Variants in PTPRT observed in about 807,000 individuals in gnomAD.
PTPRT encodes the protein receptor-type tyrosine-protein phosphatase T.
PTPRT carries 56 observed loss-of-function variants against 176.8 expected under a neutral mutation model. The observed-to-expected ratio is 0.32, with a 90% CI of 0.26 to 0.40. The LOEUF is 0.40. Among genes scored for constraint, PTPRT ranks in the 10% least tolerant of loss-of-function variants. PTPRT has a pLI of 1.00. For synonymous variants in PTPRT, 783 were observed against 739.0 expected (o/e 1.06, Z -0.96); for missense variants, 1,540 against 1,908.2 (o/e 0.81, Z 3.60).
At chr20:42,472,702 A>T (rs753970705) in intron 7 of PTPRT, 140 bp from the exon 8 acceptor site, 25 of 836,300 alleles carry the variant, frequency 3.0e-5, no homozygotes, top group Non-Finnish European at 4.0e-5. Context: ...TTTTTGACAC[A>T]GGCAATATAA....
chr20:42,098,451 C>T lies in PTPRT; in HGVS notation c.3816G>A (p.Val1272=). The change falls in exon 27 of 31, where the codon GTG becomes GTA. Residue 1272 remains valine (V), a synonymous_variant. Coordinates refer to ENST00000373187, the MANE Select transcript of PTPRT (RefSeq NM_007050.6). ...RLVFDYNCSS[V]VMLNEMDTAQ... The stretch of plus-strand genomic sequence containing the variant: ...CAGTGTCCATCTCATTCAGCATCAC[C>T]ACAGAGGAGCAGTTGTAATCGAACA... 1 of 1,614,142 alleles carries T rather than the reference C, an allele frequency of 6.2e-7. No homozygotes were observed. Among genetic ancestry groups the T allele is most frequent in the Non-Finnish European group, 8.5e-7 (1 of 1,180,022 alleles).
intron 6 of PTPRT, among the ~76,000 whole-genome samples, chr20:42,706,155 CTTTA>C (rs1405022957): frequency 7.8e-6 from 1 of 128,572 alleles, no homozygotes; most frequent in African/African-American, 3.5e-5. Context: ...CTTTGTCTCT[CTTTA>C]TCTCTCTCTC....
intron 1 of PTPRT, among the ~76,000 whole-genome samples, chr20:43,092,875 T>C (rs1171637762): frequency 6.6e-6 from 1 of 152,238 alleles, no homozygotes; most frequent in Non-Finnish European, 1.5e-5. Flanking sequence ...GGATTATTTG[T>C]TACTGCTGCC....
At chr20:43,090,001 A>C (rs1425892776) in intron 1 of PTPRT, among the ~76,000 whole-genome samples, 2 of 152,204 alleles carry the variant, frequency 1.3e-5, no homozygotes, top group African/African-American at 4.8e-5. Context: ...GAAATCCGCC[A>C]ATCAACTCAC....
intron 1 of PTPRT, among the ~76,000 whole-genome samples, chr20:42,988,411 T>C (rs2146101783): frequency 1.3e-5 from 2 of 152,276 alleles, no homozygotes; most frequent in South Asian, 4.1e-4. Flanking sequence ...CAGCTGTGGA[T>C]CTGTGCTCCA....
intron 7 of PTPRT, among the ~76,000 whole-genome samples, chr20:42,539,657 C>T (rs1268225924): frequency 6.7e-6 from 1 of 149,270 alleles, no homozygotes; most frequent in East Asian, 2.0e-4. Flanking sequence ...AACCCACATG[C>T]ATTTAAAAAA....
At chr20:42,093,182 TTCTTTCTGGTG>T (rs1237555617) in intron 27 of PTPRT, among the ~76,000 whole-genome samples, 5 of 152,146 alleles carry the variant, frequency 3.3e-5, no homozygotes, top group East Asian at 1.9e-4. Context: ...CAAGGAGGGC[TTCTTTCTGGTG>T]TCTTTCTGGT....
rs1009534463 is a variant in PTPRT, at chr20:42,461,879, T to G, written c.1450+10387A>C. Among the ~76,000 whole-genome samples, 4 of 151,912 alleles carry G rather than the reference T, an allele frequency of 2.6e-5. 1 individual carries two copies. Among genetic ancestry groups the G allele is most frequent in the Non-Finnish European group, 5.9e-5 (4 of 67,936 alleles). On this transcript the variant is annotated intron_variant, in intron 8 of 30. Transcript: ENST00000373187. ...AGAGCTGGGTGTTTCTGGGTTTTTT[T>G]TTTAATCTTTTTAAAGATGGGAGAA... is the stretch of plus-strand genomic sequence containing the variant.
At chr20:43,100,524 T>C (rs1158433817) in intron 1 of PTPRT, among the ~76,000 whole-genome samples, 1 of 152,202 alleles carries the variant, frequency 6.6e-6, no homozygotes, top group Non-Finnish European at 1.5e-5. Flanking sequence ...TCAAGTATCA[T>C]CAAAACATTA....
intron 2 of PTPRT, among the ~76,000 whole-genome samples, chr20:42,797,804 C>T (rs1295871821): frequency 6.6e-6 from 1 of 152,018 alleles, no homozygotes; most frequent in Non-Finnish European, 1.5e-5. Flanking sequence ...AGTTGAGGAG[C>T]TATCTGAGGA....
At chr20:42,731,047 G>A (rs1423130939) in intron 6 of PTPRT, among the ~76,000 whole-genome samples, 2 of 152,068 alleles carry the variant, frequency 1.3e-5, no homozygotes, top group Non-Finnish European at 2.9e-5. Flanking sequence ...GTACCTCTGT[G>A]CCCCCCACCA....
chr20:42,342,210 A>G lies in PTPRT; in HGVS notation c.1865+8418T>C, dbSNP rs552072567. 5.3e-5 allele frequency among the ~76,000 whole-genome samples: 8 copies of G among 152,308 alleles called. No individual in the cohort carries two copies. In the South Asian group the frequency reaches 1.5e-3, roughly 28 times the overall value. ...TTCAATATGTATCCCAATGGTTGGC[A>G]TATGTAGACTGTGGGACAACCTCAT... On this transcript the variant is annotated intron_variant, in intron 11 of 30. Transcript: ENST00000373187.
intron 9 of PTPRT, among the ~76,000 whole-genome samples, chr20:42,382,481 A>G (rs1276787980): frequency 6.6e-6 from 1 of 152,182 alleles, no homozygotes; most frequent in Non-Finnish European, 1.5e-5. Flanking sequence ...TATCTCTCAT[A>G]GGTGTTCATG....
At chr20:42,254,301 C>A (rs2056599690) in intron 13 of PTPRT, among the ~76,000 whole-genome samples, 1 of 152,172 alleles carries the variant, frequency 6.6e-6, no homozygotes, top group Admixed American at 6.5e-5. Flanking sequence ...AAAAGTGGTC[C>A]ATCGACCAGA....
At chr20:42,108,959 C>T (rs1986769545) in intron 23 of PTPRT, among the ~76,000 whole-genome samples, 3 of 152,204 alleles carry the variant, frequency 2.0e-5, no homozygotes, top group Admixed American at 6.5e-5. Flanking sequence ...TTCTTTCTCC[C>T]TAACCCTTGA....
At chr20:42,922,225 C>T (rs1979193356) in intron 1 of PTPRT, among the ~76,000 whole-genome samples, 3 of 152,172 alleles carry the variant, frequency 2.0e-5, no homozygotes, top group Non-Finnish European at 4.4e-5. Context: ...TGAGCCACCG[C>T]GCCTGGCCCT....
Position 42,780,310 on chromosome 20 carries a change from C to G in PTPRT, c.487-11G>C, listed in dbSNP as rs2077196560. Reference sequence around the variant, plus strand: ...GGATTCAAATATCACCTGCAACACACAGGGCGGGAGTCAATTTCACAGAAA... The same window carrying G: ...GGATTCAAATATCACCTGCAACACAGAGGGCGGGAGTCAATTTCACAGAAA... On this transcript the variant is annotated splice_polypyrimidine_tract_variant and intron_variant, in intron 3 of 30. Coordinates refer to ENST00000373187, the MANE Select transcript of PTPRT (RefSeq NM_007050.6). The G allele has an allele frequency of 1.2e-6, 2 of 1,609,516 alleles. No individual in the cohort carries two copies. The highest frequency in any genetic ancestry group is 1.7e-6 in the Non-Finnish European group (2 of 1,175,922).
At chr20:42,574,420 A>T (rs1308688795) in intron 7 of PTPRT, among the ~76,000 whole-genome samples, 2 of 152,190 alleles carry the variant, frequency 1.3e-5, no homozygotes, top group African/African-American at 4.8e-5. Flanking sequence ...TATCATGAAA[A>T]TGTCACTTTG....
chr20:42,095,625 T>C (rs6513765), intron 27 of PTPRT, among the ~76,000 whole-genome samples: 9,288 of 152,340 alleles, frequency 0.061, 365 homozygotes, highest in African/African-American at 0.087. Context: ...CTACCCTGCC[T>C]TCTTGTTTGC....
Sources: gnomAD v4.1 joint callset for allele counts (sites outside exome capture counted in the v4.1 genomes callset) on GRCh38, gnomAD v4.1.1 for gene constraint, MANE v1.5 for transcripts, NCBI Gene and HGNC (gene_info 2026-07-23, HGNC 2026-07-21) for gene names.